The following LIN28B variants were observed in gnomAD, a reference collection of about 807,000 sequenced individuals.
LIN28B encodes the protein lin-28 RNA binding posttranscriptional regulator B, also known as protein lin-28 homolog B.
Under a neutral mutation model 21.9 loss-of-function variants are expected in LIN28B, and 5 were observed. The observed-to-expected ratio is 0.23, with a 90% CI of 0.12 to 0.48. LIN28B has a LOEUF of 0.48. Among genes scored for constraint, LIN28B ranks in the 20% least tolerant of loss-of-function variants. LIN28B has a pLI of 0.98. For synonymous variants in LIN28B, 109 were observed against 111.3 expected, an observed-to-expected ratio of 0.98 and a Z score of 0.13; for missense variants, 245 against 310.5, an observed-to-expected ratio of 0.79 and a Z score of 1.58.
chr6:104,997,175 G>A (rs939741029), intron 2 of LIN28B, among the ~76,000 whole-genome samples: 3 of 151,856 alleles, frequency 2.0e-5, no homozygotes, highest in Non-Finnish European at 4.4e-5. Flanking sequence ...CAGCTACTCG[G>A]GAGGCTGAGG....
intron 3 of LIN28B, among the ~76,000 whole-genome samples, chr6:105,061,926 A>G (rs1772128159): frequency 6.6e-6 from 1 of 152,026 alleles, no homozygotes; most frequent in South Asian, 2.1e-4. Context: ...AATATATTTA[A>G]TATTCTGCTC....
chr6:104,973,690 T>C (rs1223843148), intron 2 of LIN28B, among the ~76,000 whole-genome samples: 3 of 152,240 alleles, frequency 2.0e-5, no homozygotes, highest in Non-Finnish European at 1.5e-5. Context: ...AATAGAGTTT[T>C]AGAATTTATT....
chr6:104,993,810 T>C (rs1406902763), intron 2 of LIN28B, among the ~76,000 whole-genome samples: 1 of 141,528 alleles, frequency 7.1e-6, no homozygotes. Flanking sequence ...ACTTCCAGCC[T>C]GGATGACAGA....
chr6:105,074,830 T>C (rs2114421606), intron 3 of LIN28B, among the ~76,000 whole-genome samples: 1 of 152,252 alleles, frequency 6.6e-6, no homozygotes, highest in East Asian at 1.9e-4. Flanking sequence ...CCCAGCCTCC[T>C]GAGTAGCTGG....
intron 2 of LIN28B, among the ~76,000 whole-genome samples, chr6:104,985,001 A>G (rs1004108185): frequency 1.3e-5 from 2 of 152,208 alleles, no homozygotes; most frequent in Admixed American, 6.5e-5. Flanking sequence ...TAAAGCCCTG[A>G]TTTGTAGCAT....
rs1462162063 is a variant in LIN28B at position 105,081,151 on chromosome 6, A to C, written c.*2368A>C. 1 of 152,606 alleles carries C rather than the reference A, an allele frequency of 6.6e-6. No homozygotes were observed. The highest frequency in any genetic ancestry group is 1.5e-5 in the Non-Finnish European group (1 of 68,024). 9.5% of individuals were successfully genotyped at this position (152,606 alleles called of 1,614,324 possible). On this transcript the variant is annotated 3_prime_UTR_variant, in exon 4 of 4. Coordinates refer to ENST00000345080, the MANE Select transcript of LIN28B (RefSeq NM_001004317.4). ...CTTTGCTCAGGGAACATACCATGTA[A>C]TATTTTTGTTGTTTCTTTACAGACT...
intron 3 of LIN28B, among the ~76,000 whole-genome samples, chr6:105,076,099 T>G (rs949103409): frequency 6.6e-5 from 10 of 152,224 alleles, no homozygotes; most frequent in African/African-American, 2.4e-4. Flanking sequence ...CATTAGCAAG[T>G]AAACTTTATT....
At chr6:105,031,594 C>T (rs1582907127) in intron 3 of LIN28B, among the ~76,000 whole-genome samples, 4 of 150,166 alleles carry the variant, frequency 2.7e-5, no homozygotes, top group African/African-American at 7.4e-5. Context: ...AGTGCAGTGG[C>T]GCAGTCTTGG....
At position 105,052,729 on chromosome 6, in the gene LIN28B, C is replaced by T. The variant is rs148208279; in HGVS notation, c.384-25685C>T. On this transcript the variant is annotated intron_variant, in intron 3 of 3. Coordinates refer to ENST00000345080, the MANE Select transcript of LIN28B (RefSeq NM_001004317.4). Reference sequence around the variant, plus strand: ...CTCTTAATGACTACAAGATACATACCAATATTCCCTTTTTTCATTGCTGAT... The same window carrying T: ...CTCTTAATGACTACAAGATACATACTAATATTCCCTTTTTTCATTGCTGAT... Among the ~76,000 whole-genome samples the T allele has an allele frequency of 9.2e-5, 14 of 152,114 alleles. 1 individual carries two copies. The highest frequency in any genetic ancestry group is 3.4e-4 in the African/African-American group (14 of 41,500).
chr6:104,981,306 T>G (rs1191684368), intron 2 of LIN28B, among the ~76,000 whole-genome samples: 1 of 152,216 alleles, frequency 6.6e-6, no homozygotes, highest in East Asian at 1.9e-4. Flanking sequence ...TCTTTCTGCT[T>G]TAAAGTCTTT....
chr6:105,041,505 G>A (rs1301414601), intron 3 of LIN28B, among the ~76,000 whole-genome samples: 2 of 151,982 alleles, frequency 1.3e-5, no homozygotes, highest in African/African-American at 4.8e-5. Context: ...TTTTGCACAG[G>A]TTTCAGTATG....
chr6:105,082,673 TTAAGATGTGGTGGTTG>T lies in LIN28B; in HGVS notation c.*3893_*3908del, dbSNP rs1301594705. ...TCTTACATAGCTGTCAACAGCCTCTTTAAGATGTGGTGGTTGTATGATCTGTGTCTTAATTGTTCAG... is the reference window on the plus strand; with the variant it reads ...TCTTACATAGCTGTCAACAGCCTCTTTATGATCTGTGTCTTAATTGTTCAG... On this transcript the variant is annotated 3_prime_UTR_variant, in exon 4 of 4. Coordinates refer to ENST00000345080, the MANE Select transcript of LIN28B (RefSeq NM_001004317.4). 2.6e-5 allele frequency: 4 copies of T among 152,636 alleles called. No individual in the cohort carries two copies. The highest frequency in any genetic ancestry group is 9.6e-5 in the African/African-American group (4 of 41,466). The allele number at this position is 152,636 out of a possible 1,614,324, so 9.5% of individuals were successfully genotyped here.
intron 2 of LIN28B, chr6:104,941,501 G>A (rs1440479116): frequency 2.7e-5 from 4 of 150,106 alleles, no homozygotes; most frequent in Non-Finnish European, 5.9e-5. Context: ...AGGGCGCGAG[G>A]GTGCGGCGCA....
chr6:104,963,796 C>T (rs183006736), intron 2 of LIN28B, among the ~76,000 whole-genome samples: 5 of 152,312 alleles, frequency 3.3e-5, no homozygotes, highest in South Asian at 2.1e-4. Context: ...TGCATGTTCT[C>T]GCTAATTTTC....
chr6:105,030,038 G>T (rs548066760), intron 3 of LIN28B, among the ~76,000 whole-genome samples: 1 of 152,268 alleles, frequency 6.6e-6, no homozygotes, highest in East Asian at 1.9e-4. Flanking sequence ...CTCTTACTGT[G>T]TGTCTTATTG....
intron 3 of LIN28B, among the ~76,000 whole-genome samples, chr6:105,070,315 A>C (rs573697961): frequency 6.6e-5 from 10 of 152,350 alleles, no homozygotes; most frequent in African/African-American, 2.4e-4. Context: ...TCAGATGACT[A>C]ACAATAATAA....
At chr6:105,053,999 C>T (rs1313067059) in intron 3 of LIN28B, among the ~76,000 whole-genome samples, 1 of 152,194 alleles carries the variant, frequency 6.6e-6, no homozygotes, top group African/African-American at 2.4e-5. Flanking sequence ...CTGCCTCGGC[C>T]TCCCAAAGTA....
At chr6:105,031,401 G>C (rs569792001) in intron 3 of LIN28B, among the ~76,000 whole-genome samples, 78 of 151,998 alleles carry the variant, frequency 5.1e-4, no homozygotes, top group Middle Eastern at 3.4e-3. Context: ...AATTGATTTG[G>C]TCTGCTGATG....
chr6:104,991,760 C>T (rs939683431), intron 2 of LIN28B, among the ~76,000 whole-genome samples: 22 of 152,208 alleles, frequency 1.4e-4, no homozygotes, highest in East Asian at 3.9e-4. Flanking sequence ...TCTGCAATCC[C>T]GGCACCCCAG....
Sources: allele counts gnomAD v4.1 joint callset (sites outside exome capture counted in the v4.1 genomes callset), GRCh38; gene constraint gnomAD v4.1.1; transcripts MANE v1.5; gene names NCBI Gene and HGNC (gene_info 2026-07-23, HGNC 2026-07-21).